The following SETDB1 variants were observed in gnomAD, a reference collection of about 807,000 sequenced individuals.
The protein encoded by SETDB1 is SET domain bifurcated histone lysine methyltransferase 1.
A neutral mutation model predicts 137.4 loss-of-function variants in SETDB1; 31 were observed. The ratio of observed to expected loss-of-function variants is 0.23; its 90% confidence interval spans 0.17 to 0.30. The LOEUF is 0.30. Ranked by LOEUF, SETDB1 falls within the 10% of genes least tolerant of loss-of-function variation. The pLI, the probability that SETDB1 is intolerant of heterozygous loss-of-function variation, is 1.00. For synonymous variants in SETDB1, 548 were observed against 579.9 expected, an observed-to-expected ratio of 0.95 and a Z score of 0.79; for missense variants, 1,113 against 1,631.5, an observed-to-expected ratio of 0.68 and a Z score of 5.47.
intron 2 of SETDB1, among the ~76,000 whole-genome samples, chr1:150,929,336 G>A (rs979339410): frequency 2.6e-5 from 4 of 151,768 alleles, no homozygotes; most frequent in African/African-American, 9.7e-5. Flanking sequence ...GCATTTCTCT[G>A]ATGGCCACTG....
intron 10 of SETDB1, among the ~76,000 whole-genome samples, chr1:150,947,501 T>A (rs1670364385): frequency 6.6e-6 from 1 of 152,078 alleles, no homozygotes; most frequent in East Asian, 1.9e-4. Flanking sequence ...CCAGGCACAG[T>A]GGCTGACATC....
intron 3 of SETDB1, among the ~76,000 whole-genome samples, chr1:150,938,521 A>G (rs771196): frequency 6.6e-6 from 1 of 152,126 alleles, no homozygotes; most frequent in Non-Finnish European, 1.5e-5. Context: ...TTTTTGAGAC[A>G]GAGTCTCGCT....
intron 2 of SETDB1, among the ~76,000 whole-genome samples, chr1:150,929,565 G>A (rs1472601489): frequency 2.0e-5 from 3 of 151,868 alleles, no homozygotes; most frequent in African/African-American, 7.3e-5. Flanking sequence ...TTTTAGTAGA[G>A]ATGGAGTTTT....
chr1:150,960,837 T>C lies in SETDB1; in HGVS notation c.2778T>C (p.Tyr926=), dbSNP rs1670793900. Residue 926 remains tyrosine, a synonymous_variant, in exon 16 of 22, where the codon TAT becomes TAC. Coordinates refer to ENST00000692827, the MANE Select transcript of SETDB1 (RefSeq NM_001366418.1). Reference sequence around the variant, plus strand: ...GCACCAGTTCAGTGTGGCGGAGCTATGCTACCCGGAGGCAGACCCGGGGCC... The same window carrying C: ...GCACCAGTTCAGTGTGGCGGAGCTACGCTACCCGGAGGCAGACCCGGGGCC... ...DFSTSSVWRS[Y]ATRRQTRGQK... The C allele has an allele frequency of 6.2e-7, 1 of 1,604,720 alleles. No homozygotes were observed. The highest frequency in any genetic ancestry group is 1.3e-5 in the African/African-American group (1 of 74,742).
intron 10 of SETDB1, 128 bp downstream of exon 10, chr1:150,947,140 G>A (rs1670355399): frequency 9.0e-7 from 1 of 1,116,522 alleles, no homozygotes; most frequent in African/African-American, 1.6e-5. Flanking sequence ...TATGTGCCCT[G>A]AGTTGTTTCC....
rs999446937 is a variant in SETDB1, at chr1:150,946,735, G to A, written c.1141-151G>A. Reference sequence around the variant, plus strand: ...AGTGCTGGGATTACAAGCTACAGGCGTGAGCCACTGTGCTTAGCTTAGACT... The same window carrying A: ...AGTGCTGGGATTACAAGCTACAGGCATGAGCCACTGTGCTTAGCTTAGACT... On this transcript the variant is annotated intron_variant, in intron 9 of 21. Coordinates refer to ENST00000692827, the MANE Select transcript of SETDB1 (RefSeq NM_001366418.1). 3.9e-5 allele frequency: 32 copies of A among 812,332 alleles called. 1 individual carries two copies. Among genetic ancestry groups the A allele is most frequent in the South Asian group, 2.0e-4 (11 of 54,266 alleles). 50.3% of individuals were successfully genotyped at this position (812,332 alleles called of 1,614,324 possible). A position where few individuals can be genotyped will look rare whatever the true frequency, so the allele number is the denominator to read the frequency against.
Position 150,944,900 on chromosome 1 carries a change from A to T in SETDB1, c.950-18A>T, listed in dbSNP as rs370077211. The T allele has an allele frequency of 1.9e-6, 3 of 1,613,452 alleles. No individual in the cohort carries two copies. The South Asian group carries it at 3.3e-5, about 18-fold the overall frequency. ...ATGCCCTACCTGCCCTCTCAGTTCT[A>T]CTTCTTCCTTGAAACAGTGAAAAAG... is the stretch of plus-strand genomic sequence containing the variant. On this transcript the variant is annotated intron_variant, in intron 8 of 21. Transcript: ENST00000692827.
intron 14 of SETDB1, among the ~76,000 whole-genome samples, chr1:150,958,613 CTGAA>C (rs1571659291): frequency 6.6e-6 from 1 of 152,046 alleles, no homozygotes; most frequent in African/African-American, 2.4e-5. Context: ...TAATTGTTTA[CTGAA>C]TGAAAGAATG....
intron 17 of SETDB1, among the ~76,000 whole-genome samples, 176 bp from the exon 18 acceptor site, chr1:150,962,411 C>T (rs764757153): frequency 2.8e-4 from 42 of 152,132 alleles, no homozygotes; most frequent in Non-Finnish European, 3.7e-4. Context: ...TCAAGCGATG[C>T]TCCCAAAGGG....
In SETDB1 at chr1:150,950,921, A is replaced by G; in HGVS notation, c.2047A>G (p.Ile683Val). 6.2e-7 allele frequency: 1 copy of G among 1,614,098 alleles called. No homozygotes were observed. Among genetic ancestry groups the G allele is most frequent in the Non-Finnish European group, 8.5e-7 (1 of 1,180,030 alleles). ...PYKPFYYILDITYGKEDVPLS... is the reference protein window; with the variant it reads ...PYKPFYYILDVTYGKEDVPLS... ...TAAGCCTTTTTACTATATTTTGGAC[A>G]TCACTTATGGGAAGGAAGATGTTCC... Residue 683 changes from isoleucine (I) to valine (V), a missense_variant, in exon 13 of 22, where the codon ATC becomes GTC. Transcript: ENST00000692827.
Position 150,943,964 on chromosome 1 carries a change from A to G in SETDB1, c.920A>G (p.Gln307Arg). 1 of 1,613,624 alleles carries G rather than the reference A, an allele frequency of 6.2e-7. No individual in the cohort carries two copies. The highest frequency in any genetic ancestry group is 1.3e-5 in the African/African-American group (1 of 75,018). ...GATGGCTATGCTTCCTATGTCACAC[A>G]GTCGGAACTGTATCCCATTTGCCGG... Reference protein sequence around the residue: ...FDDGYASYVTQSELYPICRPL... With the variant: ...FDDGYASYVTRSELYPICRPL... Residue 307 changes from glutamine to arginine, a missense_variant, in exon 8 of 22, where the codon CAG becomes CGG. Gln to Arg is a conservative substitution (Grantham distance 43). This residue lies in a region of SETDB1 where 154 missense variants were observed against 303.1 expected (regional missense o/e 0.51). Coordinates refer to ENST00000692827, the MANE Select transcript of SETDB1 (RefSeq NM_001366418.1).
chr1:150,942,588 A>G lies in SETDB1; in HGVS notation c.573A>G (p.Glu191=). ...GAACCTTGAGTCAGATGTCTGGAGA[A>G]CTAAGCAAAGATGGTGACCTGATAG... is the stretch of plus-strand genomic sequence containing the variant. The part of the protein sequence containing the change: ...HKGTLSQMSG[E]LSKDGDLIVS... Residue 191 remains glutamate (E), a synonymous_variant, in exon 6 of 22, where the codon GAA becomes GAG. Coordinates refer to ENST00000692827, the MANE Select transcript of SETDB1 (RefSeq NM_001366418.1). The G allele has an allele frequency of 6.2e-7, 1 of 1,613,520 alleles. No homozygotes were observed. The highest frequency in any genetic ancestry group is 1.3e-5 in the African/African-American group (1 of 75,036).
chr1:150,936,145 C>A (rs1252321087), intron 3 of SETDB1, among the ~76,000 whole-genome samples: 9 of 143,530 alleles, frequency 6.3e-5, no homozygotes, highest in Non-Finnish European at 1.2e-4. Flanking sequence ...CGCCACCATG[C>A]CTGGCTAATT....
rs1045628 is a variant in SETDB1, at chr1:150,964,427, T to C, written c.*63T>C. Reference sequence around the variant, plus strand: ...TTCCTCAGGAACTGGGTCTTCCTGATTGTTGAACCCTGACCCGAAGTCTCT... The same window carrying C: ...TTCCTCAGGAACTGGGTCTTCCTGACTGTTGAACCCTGACCCGAAGTCTCT... On this transcript the variant is annotated 3_prime_UTR_variant, in exon 22 of 22. Coordinates refer to ENST00000692827, the MANE Select transcript of SETDB1 (RefSeq NM_001366418.1). 0.033 allele frequency: 39,504 copies of C among 1,213,894 alleles called. 821 individuals carry two copies. The highest frequency in any genetic ancestry group is 0.04 in the Non-Finnish European group (33,104 of 828,266). The allele number at this position is 1,213,894 out of a possible 1,614,324, so 75.2% of individuals were successfully genotyped here.
At chr1:150,962,829 T>C (rs1274320590) in intron 18 of SETDB1, 110 bp downstream of exon 18, 1 of 1,461,974 alleles carries the variant, frequency 6.8e-7, no homozygotes. Context: ...TTCTTTAGCC[T>C]TGACTTCCTG....
chr1:150,928,501 C>G (rs1669612045), intron 2 of SETDB1, among the ~76,000 whole-genome samples: 1 of 152,134 alleles, frequency 6.6e-6, no homozygotes, highest in African/African-American at 2.4e-5. Context: ...TAAGATCATC[C>G]AGGGAGTGAG....
Position 150,927,935 on chromosome 1 carries a change from A to T in SETDB1, c.221A>T (p.Glu74Val). ...LETWVIQKES[E>V]VAHVDQLFDD... Reference sequence around the variant, plus strand: ...ACATGGGTAATACAGAAAGAATCTGAGGTGGCTCACGTTGACCAACTCTTT... The same window carrying T: ...ACATGGGTAATACAGAAAGAATCTGTGGTGGCTCACGTTGACCAACTCTTT... Residue 74 changes from glutamate (E) to valine (V), a missense_variant, in exon 2 of 22, where the codon GAG (glutamate) becomes GTG (valine). Physicochemically the swap from Glu to Val is moderately radical, Grantham distance 121. Coordinates refer to ENST00000692827, the MANE Select transcript of SETDB1 (RefSeq NM_001366418.1). The T allele has an allele frequency of 1.2e-6, 2 of 1,614,236 alleles. No individual in the cohort carries two copies. The highest frequency in any genetic ancestry group is 1.7e-6 in the Non-Finnish European group (2 of 1,180,028).
Position 150,940,620 on chromosome 1 carries a change from C to T in SETDB1, c.447+646C>T, listed in dbSNP as rs113227318. On this transcript the variant is annotated intron_variant, in intron 4 of 21. Coordinates refer to ENST00000692827, the MANE Select transcript of SETDB1 (RefSeq NM_001366418.1). The stretch of plus-strand genomic sequence containing the variant: ...TGGTGGCTTACGCCTGTAATCCCAG[C>T]ACTTTGGGAGGCTGAGGCAGGTGGA... Among the ~76,000 whole-genome samples, 1,281 of 151,236 alleles carry T rather than the reference C, an allele frequency of 8.5e-3. 7 individuals are homozygous for T. The highest frequency in any genetic ancestry group is 0.012 in the Non-Finnish European group (807 of 67,900).
Position 150,927,714 on chromosome 1 carries a change from C to T in SETDB1, c.-1C>T, listed in dbSNP as rs201380157. On this transcript the variant is annotated 5_prime_UTR_variant, in exon 2 of 22. Transcript: ENST00000692827. ...TTCTGTTCCATGCAGAGGACAAAAG[C>T]ATGTCTTCCCTTCCTGGGTGCATTG... 3.1e-6 allele frequency: 5 copies of T among 1,613,622 alleles called. No individual in the cohort carries two copies. The Admixed American group carries it at 5.0e-5, about 16-fold the overall frequency.
Sources: allele counts gnomAD v4.1 joint callset (sites outside exome capture counted in the v4.1 genomes callset), GRCh38; gene constraint gnomAD v4.1.1; regional missense constraint gnomAD v4.1.1; transcripts MANE v1.5; gene names NCBI Gene and HGNC (gene_info 2026-07-23, HGNC 2026-07-21).